Variants in UFL1 observed in about 807,000 individuals in gnomAD.
The protein encoded by UFL1 is E3 UFM1-protein ligase 1.
UFL1 carries 78 observed loss-of-function variants against 99.3 expected under a neutral mutation model. The observed-to-expected ratio is 0.79, with a 90% CI of 0.65 to 0.95. UFL1 has a LOEUF of 0.95. Ranked by LOEUF, UFL1 falls within the 40% of genes least tolerant of loss-of-function variation. The pLI is 0.00. For synonymous variants in UFL1, 335 were observed against 322.2 expected (o/e 1.04, Z -0.42); for missense variants, 936 against 937.0 (o/e 1.00, Z 0.01).
chr6:96,531,244 T>G (rs1769779151), intron 6 of UFL1, among the ~76,000 whole-genome samples: 1 of 145,888 alleles, frequency 6.9e-6, no homozygotes, highest in East Asian at 2.1e-4. Context: ...GAGATACATA[T>G]ACACATGTAC....
At chr6:96,538,238 G>A (rs1261023845) in intron 9 of UFL1, among the ~76,000 whole-genome samples, 2 of 151,812 alleles carry the variant, frequency 1.3e-5, no homozygotes, top group East Asian at 3.9e-4. Flanking sequence ...ATTAGGGAAA[G>A]ATAGTTAAGG....
intron 5 of UFL1, among the ~76,000 whole-genome samples, chr6:96,527,475 A>T (rs1438348882): frequency 6.6e-6 from 1 of 152,112 alleles, no homozygotes; most frequent in Non-Finnish European, 1.5e-5. Context: ...AAATTGGCCA[A>T]ACCGTAATTG....
At position 96,523,273 on chromosome 6, in the gene UFL1, G is replaced by A; in HGVS notation, c.205G>A (p.Glu69Lys). Residue 69 changes from glutamate (E) to lysine (K), a missense_variant, in exon 2 of 19, where the codon GAG becomes AAG. Transcript: ENST00000369278. ...CCAAATTAGTAAAGAAATGAGAGAT[G>A]AGCTACATGTCCGAGGTGGTAGGTA... ...PAQISKEMRD[E>K]LHVRGGRVNI... 6.2e-7 allele frequency: 1 copy of A among 1,605,818 alleles called. No homozygotes were observed. The highest frequency in any genetic ancestry group is 8.5e-7 in the Non-Finnish European group (1 of 1,176,904).
intron 17 of UFL1, 111 bp from the exon 18 acceptor site, chr6:96,552,371 T>C: frequency 3.3e-6 from 4 of 1,207,660 alleles, no homozygotes; most frequent in Non-Finnish European, 4.4e-6. Context: ...TAAATTTTTA[T>C]GGAATTAGAT....
In UFL1 at chr6:96,552,522, C is replaced by T. The variant is rs1186405061; in HGVS notation, c.2026C>T (p.Leu676=). 1 of 1,607,496 alleles carries T rather than the reference C, an allele frequency of 6.2e-7. No individual in the cohort carries two copies. The highest frequency in any genetic ancestry group is 8.5e-7 in the Non-Finnish European group (1 of 1,178,032). Residue 676 remains leucine, a synonymous_variant, in exon 18 of 19, where the codon CTA becomes TTA. Coordinates refer to ENST00000369278, the MANE Select transcript of UFL1 (RefSeq NM_015323.5). ...FQHRQALAEQ[L]KVTEDPALIL... ...ACATCGACAAGCACTGGCTGAACAG[C>T]TAAAGGTCACAGAAGACCCTGCTCT...
At chr6:96,536,845 G>C (rs576991273) in intron 8 of UFL1, among the ~76,000 whole-genome samples, 18 of 151,688 alleles carry the variant, frequency 1.2e-4, no homozygotes, top group African/African-American at 4.3e-4. Flanking sequence ...TTGACTATCA[G>C]ATTTACAATG....
At chr6:96,524,025 A>G (rs564327920) in intron 2 of UFL1, among the ~76,000 whole-genome samples, 1 of 152,218 alleles carries the variant, frequency 6.6e-6, no homozygotes, top group East Asian at 1.9e-4. Flanking sequence ...CAAATAATTG[A>G]AAAAAAGTTC....
chr6:96,524,457 T>C (rs1769671399), intron 3 of UFL1, 47 bp downstream of exon 3: 1 of 1,436,318 alleles, frequency 7.0e-7, no homozygotes, highest in Admixed American at 2.1e-5. Flanking sequence ...CTCAATTTTT[T>C]GATACTGTGA....
chr6:96,553,747 T>A lies in UFL1; in HGVS notation c.*244T>A. ...ATTTTCACACAAATACTATATGAAATTTTTCACATTATTTTCACATAATTT... is the reference window on the plus strand; with the variant it reads ...ATTTTCACACAAATACTATATGAAAATTTTCACATTATTTTCACATAATTT... On this transcript the variant is annotated 3_prime_UTR_variant, in exon 19 of 19. Transcript: ENST00000369278. The A allele has an allele frequency of 2.8e-6, 1 of 361,136 alleles. No homozygotes were observed. The highest frequency in any genetic ancestry group is 5.0e-6 in the Non-Finnish European group (1 of 200,738). 22.4% of individuals were successfully genotyped at this position (361,136 alleles called of 1,614,324 possible). A position where few individuals can be genotyped will look rare whatever the true frequency, so the allele number is the denominator to read the frequency against.
At chr6:96,524,784 A>G (rs1380424576) in intron 3 of UFL1, among the ~76,000 whole-genome samples, 1 of 152,194 alleles carries the variant, frequency 6.6e-6, no homozygotes, top group African/African-American at 2.4e-5. Context: ...AGTATATGAA[A>G]GTAATAGAGA....
intron 8 of UFL1, 62 bp downstream of exon 8, chr6:96,536,452 GTAT>G: frequency 7.4e-7 from 1 of 1,353,450 alleles, no homozygotes; most frequent in East Asian, 2.5e-5. Context: ...TTCTTTAAAA[GTAT>G]TATACTAACC....
intron 6 of UFL1, among the ~76,000 whole-genome samples, chr6:96,529,781 G>A (rs1370639884): frequency 6.6e-6 from 1 of 152,078 alleles, no homozygotes; most frequent in Non-Finnish European, 1.5e-5. Flanking sequence ...AGCATTTGTT[G>A]AGCACCTAAT....
At chr6:96,535,718 A>G (rs139714197) in intron 7 of UFL1, among the ~76,000 whole-genome samples, 26 of 152,176 alleles carry the variant, frequency 1.7e-4, no homozygotes, top group African/African-American at 6.0e-4. Flanking sequence ...TCTTATAGGT[A>G]GGGCTGAAAT....
Position 96,549,341 on chromosome 6 carries a change from AAAC to A in UFL1, c.1521-68_1521-66del, listed in dbSNP as rs1341538051. On this transcript the variant is annotated intron_variant, in intron 13 of 18. Transcript: ENST00000369278. ...CTATTCTTAAGCCTTATTTCCATAGAAACAAAATTCCTTATCTATATAAATACT... is the reference window on the plus strand; with the variant it reads ...CTATTCTTAAGCCTTATTTCCATAGAAAAATTCCTTATCTATATAAATACT... 5 of 1,252,248 alleles carry A rather than the reference AAAC, an allele frequency of 4.0e-6. No individual in the cohort carries two copies. In the East Asian group the frequency reaches 1.5e-4, roughly 37 times the overall value. The allele number at this position is 1,252,248 out of a possible 1,614,324, so 77.6% of individuals were successfully genotyped here.
At position 96,548,180 on chromosome 6, in the gene UFL1, G is replaced by T. The variant is rs1770027368; in HGVS notation, c.1419G>T (p.Glu473Asp). 5 of 1,596,306 alleles carry T rather than the reference G, an allele frequency of 3.1e-6. No individual in the cohort carries two copies. The Middle Eastern group carries it at 8.3e-4, about 266-fold the overall frequency. Residue 473 changes from glutamate to aspartate, a missense_variant, in exon 13 of 19, where the codon GAG (glutamate) becomes GAT (aspartate). Transcript: ENST00000369278. ...CCGATATAGGAAAGAAGAAGCCAGA[G>T]ATCAGTTTTATGTTCCAGGATGAGA... ...QSSHTGKKKP[E>D]ISFMFQDEIE...
At position 96,538,696 on chromosome 6, in the gene UFL1, A is replaced by G. The variant is rs751155561; in HGVS notation, c.1044A>G (p.Ala348=). 3.7e-6 allele frequency: 6 copies of G among 1,611,718 alleles called. No individual in the cohort carries two copies. The South Asian group carries it at 6.6e-5, about 18-fold the overall frequency. ...TATTGCTTCAGCAGGTGATGAGGGCATTCAGCAAACAGGCCTCAACTGTAG... is the reference window on the plus strand; with the variant it reads ...TATTGCTTCAGCAGGTGATGAGGGCGTTCAGCAAACAGGCCTCAACTGTAG... The part of the protein sequence containing the change: ...AAILLQQVMR[A]FSKQASTVVF... The change falls in exon 10 of 19, where the codon GCA becomes GCG. Residue 348 remains alanine, a synonymous_variant. Transcript: ENST00000369278.
intron 13 of UFL1, 71 bp downstream of exon 13, chr6:96,548,352 A>T (rs3734238): frequency 0.18 from 172,017 of 980,828 alleles, 15,893 homozygotes; most frequent in Middle Eastern, 0.22. Context: ...ATTTTTTCCA[A>T]GATCATAGAA....
intron 1 of UFL1, chr6:96,522,893 A>G (rs1769639769): frequency 3.5e-6 from 1 of 285,158 alleles, no homozygotes; most frequent in Admixed American, 5.2e-5. Flanking sequence ...CCTGTAAGAG[A>G]CAACAGACTT....
chr6:96,532,346 A>G (rs1191843252), intron 6 of UFL1, among the ~76,000 whole-genome samples: 4 of 152,236 alleles, frequency 2.6e-5, no homozygotes, highest in Non-Finnish European at 5.9e-5. Context: ...TATAAGGTAA[A>G]CAAAGGAGAG....
Sources: gnomAD v4.1 joint callset for allele counts (sites outside exome capture counted in the v4.1 genomes callset) on GRCh38, gnomAD v4.1.1 for gene constraint, MANE v1.5 for transcripts, NCBI Gene and HGNC (gene_info 2026-07-23, HGNC 2026-07-21) for gene names.